The following LDAH variants were observed in gnomAD, a reference collection of about 807,000 sequenced individuals.
LDAH encodes lipid droplet-associated hydrolase.
A neutral mutation model predicts 29.6 loss-of-function variants in LDAH; 26 were observed. That is an observed-to-expected ratio of 0.88 (90% confidence interval 0.64 to 1.22). The LOEUF (loss-of-function observed/expected upper bound fraction) is 1.22, where lower values mean the gene tolerates loss of function less well. LDAH is among the 50% of genes most tolerant of loss of function. The pLI is 0.00. For missense variants in LDAH, 344 were observed against 387.3 expected (o/e 0.89, Z 0.94); for synonymous variants, 117 against 133.0 (o/e 0.88, Z 0.83).
At chr2:20,783,781 G>C (rs567611799) in intron 3 of LDAH, among the ~76,000 whole-genome samples, 9 of 152,046 alleles carry the variant, frequency 5.9e-5, no homozygotes, top group African/African-American at 1.9e-4. Flanking sequence ...GCATGATCTC[G>C]GCTCACTGCA....
intron 5 of LDAH, among the ~76,000 whole-genome samples, chr2:20,723,720 A>G (rs546086802): frequency 1.3e-5 from 2 of 152,184 alleles, no homozygotes; most frequent in African/African-American, 2.4e-5. Flanking sequence ...TACCAAATAG[A>G]AGTGTAATTT....
intron 2 of LDAH, among the ~76,000 whole-genome samples, chr2:20,800,577 T>C (rs577133617): frequency 1.3e-5 from 2 of 152,278 alleles, no homozygotes; most frequent in East Asian, 3.9e-4. Context: ...TACAAGTGAC[T>C]CAGCTGCCAA....
intron 4 of LDAH, among the ~76,000 whole-genome samples, chr2:20,760,993 C>G (rs1454605514): frequency 2.6e-5 from 4 of 152,186 alleles, no homozygotes; most frequent in African/African-American, 9.7e-5. Context: ...TTTGTACAAA[C>G]ATTTGTGCTA....
At chr2:20,709,753 C>T (rs933090329) in intron 5 of LDAH, among the ~76,000 whole-genome samples, 8 of 152,070 alleles carry the variant, frequency 5.3e-5, no homozygotes, top group African/African-American at 1.9e-4. Flanking sequence ...ATCTGAATGT[C>T]CACCAATTGA....
chr2:20,761,319 G>A (rs1668672240), intron 4 of LDAH, among the ~76,000 whole-genome samples: 1 of 152,084 alleles, frequency 6.6e-6, no homozygotes, highest in South Asian at 2.1e-4. Flanking sequence ...CTTTTGGGAT[G>A]TGTAAGACCC....
chr2:20,731,539 T>G (rs997334508), intron 5 of LDAH, among the ~76,000 whole-genome samples: 2 of 152,206 alleles, frequency 1.3e-5, no homozygotes, highest in Non-Finnish European at 2.9e-5. Context: ...AATACATGTT[T>G]ACTATGTTGA....
chr2:20,728,291 T>C (rs722705), intron 5 of LDAH, among the ~76,000 whole-genome samples: 62,331 of 151,778 alleles, frequency 0.41, 13,657 homozygotes, highest in African/African-American at 0.56. Flanking sequence ...GTCTGGATGA[T>C]AGTCAAGCCA....
rs759370022 is a variant in LDAH, at chr2:20,774,972, G to GCT, written c.305_306insAG (p.Asn102LysfsTer12). ...CATAAATGTCCTTAATTTCTTGAGC[G>GCT]TTTGAATCTAAAAGCAAAAATATGA... On this transcript the variant is annotated frameshift_variant, in exon 4 of 7. Coordinates refer to ENST00000237822, the MANE Select transcript of LDAH (RefSeq NM_021925.4). LOFTEE classifies it high-confidence loss of function. The GCT allele has an allele frequency of 6.3e-7, 1 of 1,583,670 alleles. No individual in the cohort carries two copies.
At position 20,685,707 on chromosome 2, in the gene LDAH, A is replaced by G; in HGVS notation, c.*1196T>C. ...ATCCATGATCAACTGTCACTGCAGT[A>G]TGTGGTTCTCAAGATTGAGTCAATT... On this transcript the variant is annotated 3_prime_UTR_variant, in exon 7 of 7. Transcript: ENST00000237822. The G allele has an allele frequency of 6.5e-7, 1 of 1,529,168 alleles. No homozygotes were observed. Among genetic ancestry groups the G allele is most frequent in the Non-Finnish European group, 8.8e-7 (1 of 1,138,116 alleles). The allele number at this position is 1,529,168 out of a possible 1,614,324, so 94.7% of individuals were successfully genotyped here. A position where few individuals can be genotyped will look rare whatever the true frequency, so the allele number is the denominator to read the frequency against.
chr2:20,764,118 T>C (rs948903843), intron 4 of LDAH, among the ~76,000 whole-genome samples: 6 of 152,218 alleles, frequency 3.9e-5, no homozygotes, highest in Admixed American at 1.3e-4. Flanking sequence ...AGTTGAAAAG[T>C]TGAAACTGTC....
intron 3 of LDAH, chr2:20,789,003 C>T (rs985740610): frequency 7.8e-6 from 7 of 896,350 alleles, no homozygotes; most frequent in African/African-American, 6.7e-5. Context: ...CTCTCTCCAG[C>T]TCTCAAAGTC....
intron 4 of LDAH, among the ~76,000 whole-genome samples, chr2:20,754,296 T>C (rs747854697): frequency 6.6e-5 from 10 of 151,744 alleles, no homozygotes; most frequent in Non-Finnish European, 1.3e-4. Context: ...GAAACCAGCC[T>C]GGGCAACACG....
At chr2:20,719,049 C>T (rs939282468) in intron 5 of LDAH, among the ~76,000 whole-genome samples, 1 of 151,524 alleles carries the variant, frequency 6.6e-6, no homozygotes. Flanking sequence ...CAATAAATGC[C>T]TATGTCAAAA....
intron 3 of LDAH, among the ~76,000 whole-genome samples, chr2:20,787,268 T>C (rs147675549): frequency 5.0e-4 from 76 of 152,314 alleles, no homozygotes; most frequent in African/African-American, 1.7e-3. Context: ...AAATGATTTT[T>C]AGTTTTGTTC....
At chr2:20,774,176 T>C (rs549961400) in intron 4 of LDAH, among the ~76,000 whole-genome samples, 4 of 152,372 alleles carry the variant, frequency 2.6e-5, no homozygotes, top group South Asian at 2.1e-4. Context: ...TTTTGTTTTG[T>C]TTTATATCTC....
At chr2:20,716,568 G>T (rs1338906071) in intron 5 of LDAH, among the ~76,000 whole-genome samples, 1 of 149,844 alleles carries the variant, frequency 6.7e-6, no homozygotes, top group Non-Finnish European at 1.5e-5. Context: ...CACACAGTGG[G>T]GCCTGTCGTG....
At chr2:20,716,190 C>G (rs1190788467) in intron 5 of LDAH, among the ~76,000 whole-genome samples, 1 of 152,108 alleles carries the variant, frequency 6.6e-6, no homozygotes, top group Non-Finnish European at 1.5e-5. Flanking sequence ...GGATCTAGAA[C>G]TAGAAATACC....
chr2:20,690,104 C>T (rs1362149507), intron 6 of LDAH, among the ~76,000 whole-genome samples: 1 of 152,154 alleles, frequency 6.6e-6, no homozygotes, highest in Non-Finnish European at 1.5e-5. Context: ...ATGAGAAGTC[C>T]AGCTTGATAA....
At chr2:20,709,781 C>T (rs998356688) in intron 5 of LDAH, among the ~76,000 whole-genome samples, 4 of 152,062 alleles carry the variant, frequency 2.6e-5, no homozygotes, top group African/African-American at 4.8e-5. Flanking sequence ...AAAGACAAAA[C>T]ATGGTAAAGT....
Sources: allele counts gnomAD v4.1 joint callset (sites outside exome capture counted in the v4.1 genomes callset), GRCh38; gene constraint gnomAD v4.1.1; transcripts MANE v1.5; gene names NCBI Gene and HGNC (gene_info 2026-07-23, HGNC 2026-07-21).